Variants in GPHN observed in about 807,000 individuals in gnomAD.
GPHN encodes the protein gephyrin.
GPHN carries 17 observed loss-of-function variants against 95.5 expected under a neutral mutation model. The ratio of observed to expected loss-of-function variants is 0.18; its 90% CI spans 0.12 to 0.27. GPHN has a LOEUF of 0.27. GPHN is among the 10% of genes least tolerant of loss of function. GPHN has a pLI of 1.00. For synonymous variants in GPHN, 320 were observed against 322.5 expected (o/e 0.99, Z 0.08); for missense variants, 660 against 978.1 (o/e 0.67, Z 4.34).
At chr14:67,393,445 G>T in the GPHN span, among the ~76,000 whole-genome samples, 2 of 151,968 alleles carry the variant, frequency 1.3e-5, no homozygotes, top group South Asian at 2.1e-4. Flanking sequence ...ATTGATTTTT[G>T]TTGTTGTTGT....
chr14:67,439,568 T>TCTTTCTTTCTTC, the GPHN span, among the ~76,000 whole-genome samples: 3 of 141,192 alleles, frequency 2.1e-5, no homozygotes, highest in Non-Finnish European at 4.4e-5. Flanking sequence ...TTTCTTTCTT[T>TCTTTCTTTCTTC]CTTTCTTTCT....
the GPHN span, among the ~76,000 whole-genome samples, chr14:67,341,660 G>A: frequency 3.3e-5 from 5 of 152,312 alleles, no homozygotes; most frequent in South Asian, 2.1e-4. Context: ...CCCTCTGCCC[G>A]GCCACCACCC....
the GPHN span, chr14:67,579,288 C>T: frequency 6.4e-7 from 1 of 1,559,098 alleles, no homozygotes; most frequent in South Asian, 1.2e-5. Context: ...CATCCCCGTG[C>T]ACTTTACCAA....
chr14:67,675,402 G>T, the GPHN span, among the ~76,000 whole-genome samples: 1 of 151,878 alleles, frequency 6.6e-6, no homozygotes, highest in Non-Finnish European at 1.5e-5. Flanking sequence ...TACCCCCGGA[G>T]GCTGAGGTCC....
At chr14:67,107,500 G>A (rs1267243989) in intron 13 of GPHN, among the ~76,000 whole-genome samples, 5 of 152,184 alleles carry the variant, frequency 3.3e-5, no homozygotes, top group Admixed American at 2.0e-4. Flanking sequence ...TACCTCATGG[G>A]TAGGGTGTAG....
rs116669361 is a variant in GPHN at position 66,869,491 on chromosome 14, C to G, written c.295-10448C>G. On this transcript the variant is annotated intron_variant, in intron 4 of 22. Transcript: ENST00000478722. ...GCTCTCTTGTCCATCTTCCAGTCCC[C>G]ATCTCATTCGCTGCCTGCTCCCTAG... Among the ~76,000 whole-genome samples the G allele has an allele frequency of 7.0e-3, 1,072 of 152,296 alleles. 5 individuals carry two copies. The highest frequency in any genetic ancestry group is 0.025 in the African/African-American group (1,024 of 41,578).
At chr14:67,318,926 C>T in the GPHN span, among the ~76,000 whole-genome samples, 1 of 151,938 alleles carries the variant, frequency 6.6e-6, no homozygotes, top group African/African-American at 2.4e-5. Context: ...GGCGTGATGG[C>T]GGGTGCCTGT....
chr14:67,305,390 C>T, the GPHN span, among the ~76,000 whole-genome samples: 9 of 152,128 alleles, frequency 5.9e-5, no homozygotes, highest in Non-Finnish European at 8.8e-5. Flanking sequence ...AGCAGTCCTC[C>T]TACCTCAGCC....
the GPHN span, among the ~76,000 whole-genome samples, chr14:67,528,684 C>A: frequency 6.6e-6 from 1 of 152,186 alleles, no homozygotes; most frequent in African/African-American, 2.4e-5. Flanking sequence ...ATTAAGCCCC[C>A]ATTCACCTGG....
intron 3 of GPHN, among the ~76,000 whole-genome samples, chr14:66,818,307 G>A (rs1412650272): frequency 6.6e-6 from 1 of 151,972 alleles, no homozygotes; most frequent in Non-Finnish European, 1.5e-5. Flanking sequence ...GTTCCCCCAT[G>A]TGTTCTCATC....
the GPHN span, among the ~76,000 whole-genome samples, chr14:67,655,316 G>T: frequency 6.6e-5 from 10 of 152,080 alleles, no homozygotes; most frequent in Non-Finnish European, 1.2e-4. Context: ...GACAGAGCAA[G>T]ACCCTGTCTC....
At chr14:67,535,036 C>T in the GPHN span, among the ~76,000 whole-genome samples, 7 of 152,150 alleles carry the variant, frequency 4.6e-5, no homozygotes, top group Non-Finnish European at 1.0e-4. Context: ...TGTTATAAAG[C>T]GTGCAGAGAA....
the GPHN span, among the ~76,000 whole-genome samples, chr14:67,535,189 A>G: frequency 3.6e-4 from 55 of 152,268 alleles, 2 homozygotes; most frequent in South Asian, 0.011. Context: ...AATATCTCTG[A>G]GAGAACACAC....
intron 4 of GPHN, among the ~76,000 whole-genome samples, chr14:66,870,281 A>T (rs2063380990): frequency 6.6e-6 from 1 of 152,194 alleles, no homozygotes; most frequent in Admixed American, 6.5e-5. Context: ...CACCATCAGC[A>T]TCAATGCCTT....
At chr14:67,598,623 C>A in the GPHN span, among the ~76,000 whole-genome samples, 2,093 of 152,060 alleles carry the variant, frequency 0.014, 56 homozygotes, top group African/African-American at 0.047. Flanking sequence ...AGAACTCAGG[C>A]TAGTACTAAA....
At chr14:66,832,980 T>C (rs2061636902) in intron 4 of GPHN, among the ~76,000 whole-genome samples, 1 of 152,160 alleles carries the variant, frequency 6.6e-6, no homozygotes, top group African/African-American at 2.4e-5. Context: ...TCTTTCTGGC[T>C]AAAACAGAGA....
At chr14:67,509,493 G>A in the GPHN span, among the ~76,000 whole-genome samples, 1 of 152,056 alleles carries the variant, frequency 6.6e-6, no homozygotes, top group African/African-American at 2.4e-5. Flanking sequence ...TAATTTTTGT[G>A]TTTTTAGTAG....
the GPHN span, among the ~76,000 whole-genome samples, chr14:67,245,638 C>T: frequency 2.0e-5 from 3 of 152,018 alleles, no homozygotes; most frequent in African/African-American, 4.8e-5. Flanking sequence ...ACGCATGAGC[C>T]GCTGCCCCAA....
At chr14:66,717,775 C>T (rs372574572) in intron 2 of GPHN, among the ~76,000 whole-genome samples, 1 of 152,194 alleles carries the variant, frequency 6.6e-6, no homozygotes, top group East Asian at 1.9e-4. Flanking sequence ...GGTTATCTCT[C>T]TTCTTGGTCT....
Sources: gnomAD v4.1 joint callset for allele counts (sites outside exome capture counted in the v4.1 genomes callset) on GRCh38, gnomAD v4.1.1 for gene constraint, MANE v1.5 for transcripts, NCBI Gene and HGNC (gene_info 2026-07-23, HGNC 2026-07-21) for gene names.